Variants in CHRM3 observed in about 807,000 individuals in gnomAD.
CHRM3 encodes cholinergic receptor muscarinic 3.
In CHRM3, 11 loss-of-function variants were observed where a neutral mutation model predicts 41.8. The observed-to-expected ratio is 0.26, with a 90% CI of 0.17 to 0.44. CHRM3 has a LOEUF of 0.44. CHRM3 is among the 20% of genes least tolerant of loss of function. The pLI, the probability that CHRM3 is intolerant of heterozygous loss-of-function variation, is 1.00. For synonymous variants in CHRM3, 297 were observed against 301.4 expected (o/e 0.99, Z 0.15); for missense variants, 571 against 745.4 (o/e 0.77, Z 2.72).
At chr1:239,592,307 A>G (rs1240024322) in intron 3 of CHRM3, among the ~76,000 whole-genome samples, 1 of 152,072 alleles carries the variant, frequency 6.6e-6, no homozygotes, top group Non-Finnish European at 1.5e-5. Context: ...TAGTCTGAAA[A>G]CTTGTGACCT....
intron 5 of CHRM3, among the ~76,000 whole-genome samples, chr1:239,682,461 T>C (rs899722412): frequency 2.0e-5 from 3 of 152,144 alleles, no homozygotes; most frequent in African/African-American, 7.2e-5. Flanking sequence ...CTCTGAAAAA[T>C]CCATCATTTT....
chr1:239,489,691 C>A (rs1216452133), intron 1 of CHRM3, among the ~76,000 whole-genome samples: 1 of 152,066 alleles, frequency 6.6e-6, no homozygotes, highest in African/African-American at 2.4e-5. Flanking sequence ...ACATATATGG[C>A]CATTGTTACC....
At chr1:239,558,632 TGG>T (rs1208952796) in intron 3 of CHRM3, among the ~76,000 whole-genome samples, 1 of 152,200 alleles carries the variant, frequency 6.6e-6, no homozygotes, top group African/African-American at 2.4e-5. Context: ...AGCCGGAACT[TGG>T]GCAGCATCCT....
At chr1:239,722,179 G>A (rs753289621) in intron 5 of CHRM3, among the ~76,000 whole-genome samples, 4 of 151,816 alleles carry the variant, frequency 2.6e-5, no homozygotes, top group African/African-American at 7.3e-5. Flanking sequence ...TTTGTCAGGC[G>A]ATTTATAAAA....
At chr1:239,647,012 C>T (rs16838609) in intron 4 of CHRM3, among the ~76,000 whole-genome samples, 1,814 of 152,224 alleles carry the variant, frequency 0.012, 22 homozygotes, top group Middle Eastern at 0.034. Context: ...TGGATCTTAT[C>T]CCTTTGTACA....
intron 2 of CHRM3, among the ~76,000 whole-genome samples, chr1:239,509,315 C>A (rs1315461783): frequency 6.6e-6 from 1 of 152,036 alleles, no homozygotes; most frequent in Non-Finnish European, 1.5e-5. Flanking sequence ...AATTACTGAT[C>A]TTCTTATAGT....
chr1:239,595,683 A>G (rs1356095652), intron 3 of CHRM3, among the ~76,000 whole-genome samples: 1 of 152,188 alleles, frequency 6.6e-6, no homozygotes, highest in African/African-American at 2.4e-5. Context: ...GGAAGAGATT[A>G]GAATTTTCTT....
chr1:239,682,462 C>G (rs1658661975), intron 5 of CHRM3, among the ~76,000 whole-genome samples: 1 of 151,968 alleles, frequency 6.6e-6, no homozygotes, highest in African/African-American at 2.4e-5. Context: ...TCTGAAAAAT[C>G]CATCATTTTG....
intron 6 of CHRM3, among the ~76,000 whole-genome samples, chr1:239,861,009 C>T (rs1002778022): frequency 6.6e-6 from 1 of 152,002 alleles, no homozygotes; most frequent in Non-Finnish European, 1.5e-5. Context: ...ATGTAATCTC[C>T]AATACCTTAC....
chr1:239,477,655 A>G (rs1394501721), intron 1 of CHRM3, among the ~76,000 whole-genome samples: 1 of 152,162 alleles, frequency 6.6e-6, no homozygotes, highest in Non-Finnish European at 1.5e-5. Flanking sequence ...CCACCCATTG[A>G]CTTTTTCCAG....
chr1:239,662,450 G>A (rs1170001052), intron 4 of CHRM3, among the ~76,000 whole-genome samples: 2 of 152,010 alleles, frequency 1.3e-5, no homozygotes, highest in African/African-American at 4.8e-5. Flanking sequence ...TTCATTTATC[G>A]GTATTTCTGA....
At chr1:239,694,320 G>T (rs994118331) in intron 5 of CHRM3, among the ~76,000 whole-genome samples, 17 of 152,180 alleles carry the variant, frequency 1.1e-4, no homozygotes, top group Non-Finnish European at 2.9e-5. Context: ...ATCCTTCTCT[G>T]CCTCACTGTG....
chr1:239,513,323 T>C (rs1463333131), intron 2 of CHRM3, among the ~76,000 whole-genome samples: 1 of 152,216 alleles, frequency 6.6e-6, no homozygotes, highest in Non-Finnish European at 1.5e-5. Context: ...CTTTGAATTT[T>C]GGCCATTCTG....
At position 239,744,479 on chromosome 1, in the gene CHRM3, C is replaced by T. The variant is rs146555235; in HGVS notation, c.-147+66191C>T. 1.2e-3 allele frequency among the ~76,000 whole-genome samples: 178 copies of T among 152,064 alleles called. 1 individual carries two copies. The highest frequency in any genetic ancestry group is 0.01 in the Middle Eastern group (3 of 294). ...CAACAACCTGGAGAAGTTGAGGGAG[C>T]GGCCGGTGGCTATGGGGGAGGGACC... On this transcript the variant is annotated intron_variant, in intron 5 of 6. Coordinates refer to ENST00000676153, the MANE Select transcript of CHRM3 (RefSeq NM_001375978.1).
intron 1 of CHRM3, among the ~76,000 whole-genome samples, chr1:239,431,804 A>G (rs1421164521): frequency 1.3e-5 from 2 of 152,228 alleles, no homozygotes; most frequent in Non-Finnish European, 2.9e-5. Context: ...ACAAACCTCT[A>G]GACTCGAATC....
intron 5 of CHRM3, among the ~76,000 whole-genome samples, chr1:239,810,906 A>T (rs1434017989): frequency 1.3e-5 from 2 of 152,216 alleles, no homozygotes; most frequent in African/African-American, 4.8e-5. Flanking sequence ...CCAAGTACCT[A>T]TCCCTGTTTG....
At chr1:239,533,742 A>AC (rs1657905323) in intron 2 of CHRM3, among the ~76,000 whole-genome samples, 1 of 148,880 alleles carries the variant, frequency 6.7e-6, no homozygotes, top group South Asian at 2.2e-4. Flanking sequence ...AAAAAAAAAA[A>AC]AAAAAAAACA....
intron 2 of CHRM3, among the ~76,000 whole-genome samples, chr1:239,529,154 G>T (rs896713252): frequency 6.6e-6 from 1 of 152,102 alleles, no homozygotes; most frequent in Non-Finnish European, 1.5e-5. Flanking sequence ...CCAAAGAAAT[G>T]CATGTGAGTC....
At chr1:239,888,597 C>CAA (rs34779972) in intron 6 of CHRM3, among the ~76,000 whole-genome samples, 29 of 99,366 alleles carry the variant, frequency 2.9e-4, no homozygotes, top group South Asian at 1.2e-3. Context: ...GACCCTGTCT[C>CAA]AAAAAAAAAA....
Sources: gnomAD v4.1 joint callset for allele counts (sites outside exome capture counted in the v4.1 genomes callset) on GRCh38, gnomAD v4.1.1 for gene constraint, MANE v1.5 for transcripts, NCBI Gene and HGNC (gene_info 2026-07-23, HGNC 2026-07-21) for gene names.